CEMIP: variants seen among roughly 807,000 people sequenced by gnomAD.
CEMIP encodes cell migration-inducing and hyaluronan-binding protein.
In CEMIP, 105 loss-of-function variants were observed where a neutral mutation model predicts 156.9. That is an observed-to-expected ratio of 0.67 (90% CI 0.57 to 0.79). The LOEUF (loss-of-function observed/expected upper bound fraction) is 0.79. Ranked by LOEUF, CEMIP falls within the 30% of genes least tolerant of loss-of-function variation. The pLI, the probability that CEMIP is intolerant of heterozygous loss-of-function variation, is 0.00. For missense variants in CEMIP, 1,457 were observed against 1,769.4 expected (o/e 0.82, Z 3.17); for synonymous variants, 676 against 668.4 (o/e 1.01, Z -0.17).
chr15:80,925,048 G>T (rs1192104643), intron 18 of CEMIP, among the ~76,000 whole-genome samples: 2 of 152,202 alleles, frequency 1.3e-5, no homozygotes, highest in Non-Finnish European at 2.9e-5. Context: ...TTTACCATCA[G>T]TTTAATGGGA....
chr15:80,816,159 A>G (rs1362444517), intron 1 of CEMIP, among the ~76,000 whole-genome samples: 1 of 152,192 alleles, frequency 6.6e-6, no homozygotes, highest in East Asian at 1.9e-4. Context: ...AAGTGGGTAT[A>G]TGGTAACCCT....
intron 14 of CEMIP, among the ~76,000 whole-genome samples, chr15:80,913,768 A>G (rs920464312): frequency 2.0e-5 from 3 of 152,238 alleles, no homozygotes; most frequent in Admixed American, 1.3e-4. Flanking sequence ...AAACAAAAAG[A>G]CACTGGCCTC....
At chr15:80,861,870 A>C (rs1897995387) in intron 1 of CEMIP, among the ~76,000 whole-genome samples, 1 of 152,222 alleles carries the variant, frequency 6.6e-6, no homozygotes, top group South Asian at 2.1e-4. Flanking sequence ...GGTAGCTCCA[A>C]GTTCTGACTC....
At chr15:80,802,427 GCT>G (rs1430600354) in intron 1 of CEMIP, among the ~76,000 whole-genome samples, 1 of 152,166 alleles carries the variant, frequency 6.6e-6, no homozygotes, top group Non-Finnish European at 1.5e-5. Context: ...ACCCACCGAG[GCT>G]CCAGCCCTTA....
chr15:80,945,177 C>A (rs897295510), intron 28 of CEMIP, among the ~76,000 whole-genome samples: 3 of 152,242 alleles, frequency 2.0e-5, no homozygotes, highest in African/African-American at 7.2e-5. Context: ...TGCACTGCCA[C>A]TCTGTGGGAG....
At chr15:80,814,448 C>T (rs1168890422) in intron 1 of CEMIP, among the ~76,000 whole-genome samples, 2 of 152,330 alleles carry the variant, frequency 1.3e-5, no homozygotes, top group East Asian at 3.9e-4. Context: ...GCTAGGGCAG[C>T]ACATTGGTCA....
chr15:80,834,885 T>G, intron 1 of CEMIP, among the ~76,000 whole-genome samples: 2 of 152,320 alleles, frequency 1.3e-5, no homozygotes, highest in Middle Eastern at 3.4e-3. Context: ...TTCCAATTCA[T>G]GAAGATAGGA....
At chr15:80,790,683 G>T (rs977157968) in intron 1 of CEMIP, among the ~76,000 whole-genome samples, 6 of 152,036 alleles carry the variant, frequency 3.9e-5, no homozygotes, top group African/African-American at 1.4e-4. Context: ...CTTGACTTTT[G>T]AAAAAACATG....
chr15:80,820,310 A>G (rs968463266), intron 1 of CEMIP, among the ~76,000 whole-genome samples: 12 of 152,158 alleles, frequency 7.9e-5, no homozygotes, highest in Non-Finnish European at 1.8e-4. Context: ...TGTCTTCCCA[A>G]CTGCCAAAAA....
intron 21 of CEMIP, among the ~76,000 whole-genome samples, chr15:80,929,573 G>A (rs983506313): frequency 2.6e-5 from 4 of 152,184 alleles, no homozygotes; most frequent in African/African-American, 9.7e-5. Flanking sequence ...AGAATAACCA[G>A]GAGGGTGACA....
At chr15:80,845,150 C>T (rs1897523031) in intron 1 of CEMIP, among the ~76,000 whole-genome samples, 1 of 152,154 alleles carries the variant, frequency 6.6e-6, no homozygotes, top group African/African-American at 2.4e-5. Context: ...AGGAGGAATA[C>T]ATTTCAAAAA....
At chr15:80,888,896 A>G (rs1898941842) in intron 9 of CEMIP, 100 bp downstream of exon 9, 3 of 1,092,258 alleles carry the variant, frequency 2.7e-6, no homozygotes, top group Non-Finnish European at 4.2e-6. Flanking sequence ...TACCAGTAGG[A>G]CCACTTTAAT....
intron 1 of CEMIP, among the ~76,000 whole-genome samples, chr15:80,840,308 G>T (rs1223512529): frequency 2.6e-5 from 4 of 152,152 alleles, no homozygotes; most frequent in Non-Finnish European, 4.4e-5. Flanking sequence ...CATGGAGGGT[G>T]GGGACGAGTC....
At chr15:80,790,467 C>T (rs775355555) in intron 1 of CEMIP, among the ~76,000 whole-genome samples, 4 of 152,196 alleles carry the variant, frequency 2.6e-5, no homozygotes, top group Non-Finnish European at 4.4e-5. Context: ...CTCACGCAGA[C>T]AGCATTGCAT....
At chr15:80,796,603 G>A (rs902348489) in intron 1 of CEMIP, among the ~76,000 whole-genome samples, 9 of 152,184 alleles carry the variant, frequency 5.9e-5, no homozygotes, top group South Asian at 2.1e-4. Flanking sequence ...CCTGTTTACC[G>A]AAAAAGATAT....
intron 1 of CEMIP, among the ~76,000 whole-genome samples, chr15:80,805,716 G>A (rs1202186162): frequency 6.6e-6 from 1 of 152,176 alleles, no homozygotes; most frequent in Non-Finnish European, 1.5e-5. Context: ...CAAATGATAT[G>A]CAAACAAAAC....
At chr15:80,940,140 A>C (rs1200499853) in intron 25 of CEMIP, among the ~76,000 whole-genome samples, 1 of 152,198 alleles carries the variant, frequency 6.6e-6, no homozygotes, top group Admixed American at 6.5e-5. Context: ...GCTGCTCTGC[A>C]ACATTACTTG....
intron 1 of CEMIP, among the ~76,000 whole-genome samples, chr15:80,825,116 C>A (rs576925311): frequency 6.6e-6 from 1 of 152,290 alleles, no homozygotes; most frequent in South Asian, 2.1e-4. Context: ...CACATCTTAC[C>A]TATGGGCTGT....
chr15:80,937,582 GCTCTTTGCTCATGGGCA>G (rs1223926397), intron 24 of CEMIP, among the ~76,000 whole-genome samples, 195 bp from the exon 25 acceptor site: 2 of 152,320 alleles, frequency 1.3e-5, no homozygotes, highest in African/African-American at 4.8e-5. Flanking sequence ...AAGCATTCAG[GCTCTTTGCTCATGGGCA>G]GCCATTGTCT....
Sources: allele counts gnomAD v4.1 joint callset (sites outside exome capture counted in the v4.1 genomes callset), GRCh38; gene constraint gnomAD v4.1.1; transcripts MANE v1.5; gene names NCBI Gene and HGNC (gene_info 2026-07-23, HGNC 2026-07-21).